The following ATP8A2 variants were observed in gnomAD, a reference collection of about 807,000 sequenced individuals.
ATP8A2 encodes phospholipid-transporting ATPase IB.
ATP8A2 carries 100 observed loss-of-function variants against 165.6 expected under a neutral mutation model. That is an observed-to-expected ratio of 0.60 (90% CI 0.51 to 0.71). The LOEUF is 0.71. ATP8A2 is among the 30% of genes least tolerant of loss of function. ATP8A2 has a pLI of 0.00. For missense variants in ATP8A2, 1,227 were observed against 1,479.5 expected (o/e 0.83, Z 2.80); for synonymous variants, 543 against 548.8 (o/e 0.99, Z 0.15).
At chr13:25,473,143 T>C (rs2035894949) in intron 2 of ATP8A2, among the ~76,000 whole-genome samples, 1 of 152,172 alleles carries the variant, frequency 6.6e-6, no homozygotes, top group African/African-American at 2.4e-5. Flanking sequence ...ACATGAGAAC[T>C]CTGAATTCTG....
chr13:26,014,164 T>G (rs997002507), intron 36 of ATP8A2, among the ~76,000 whole-genome samples: 2 of 152,186 alleles, frequency 1.3e-5, no homozygotes, highest in Non-Finnish European at 2.9e-5. Flanking sequence ...TCCCCTGCTT[T>G]TTCGTGACCT....
At chr13:25,436,777 A>C (rs1400093563) in intron 1 of ATP8A2, among the ~76,000 whole-genome samples, 2 of 141,730 alleles carry the variant, frequency 1.4e-5, no homozygotes, top group African/African-American at 2.7e-5. Flanking sequence ...CTGTTGTTTT[A>C]TGACTTTTTT....
At chr13:25,690,285 C>T (rs1157024353) in intron 24 of ATP8A2, among the ~76,000 whole-genome samples, 2 of 152,090 alleles carry the variant, frequency 1.3e-5, no homozygotes, top group Non-Finnish European at 2.9e-5. Context: ...TGATCATTAA[C>T]AGCATGGCCA....
chr13:25,421,161 G>A (rs947918392), intron 1 of ATP8A2, among the ~76,000 whole-genome samples: 4 of 152,128 alleles, frequency 2.6e-5, no homozygotes, highest in South Asian at 4.1e-4. Context: ...AAATCATTTC[G>A]CATAGAGTAT....
chr13:25,565,206 CAT>C (rs541437484), intron 16 of ATP8A2, among the ~76,000 whole-genome samples: 244 of 152,214 alleles, frequency 1.6e-3, no homozygotes, highest in African/African-American at 5.1e-3. Flanking sequence ...CTGCTATAAA[CAT>C]GTGTGTGCAA....
intron 24 of ATP8A2, among the ~76,000 whole-genome samples, chr13:25,640,103 A>G (rs1342826327): frequency 6.6e-6 from 1 of 152,240 alleles, no homozygotes; most frequent in Non-Finnish European, 1.5e-5. Context: ...CATTTAAAGC[A>G]GTGTGTAGAG....
At chr13:25,636,838 A>T (rs1161508106) in intron 24 of ATP8A2, among the ~76,000 whole-genome samples, 1 of 152,160 alleles carries the variant, frequency 6.6e-6, no homozygotes, top group Non-Finnish European at 1.5e-5. Context: ...CATGCCTGTG[A>T]TCCCAATACT....
intron 4 of ATP8A2, among the ~76,000 whole-genome samples, chr13:25,531,219 GATATATGTTATATATGAT>G (rs67619250): frequency 8.6e-6 from 1 of 116,874 alleles, no homozygotes; most frequent in Non-Finnish European, 1.7e-5. Context: ...TGTTATATAT[GATATATGTTATATATGAT>G]ATATATGTTA....
chr13:25,451,388 T>C (rs1179520747), intron 1 of ATP8A2, among the ~76,000 whole-genome samples: 2 of 152,132 alleles, frequency 1.3e-5, no homozygotes, highest in African/African-American at 4.8e-5. Context: ...ACTCATTTTG[T>C]TTGTTTCTCT....
At chr13:25,561,158 T>G in intron 15 of ATP8A2, among the ~76,000 whole-genome samples, 1 of 152,276 alleles carries the variant, frequency 6.6e-6, no homozygotes. Context: ...GTGAATTTTT[T>G]CCATTATTTT....
At chr13:25,392,063 G>A (rs1566099555) in intron 1 of ATP8A2, among the ~76,000 whole-genome samples, 1 of 152,182 alleles carries the variant, frequency 6.6e-6, no homozygotes, top group Non-Finnish European at 1.5e-5. Context: ...TGATAGTGCA[G>A]TGAGCTCAGC....
chr13:25,378,086 G>C (rs1325003685), intron 1 of ATP8A2, among the ~76,000 whole-genome samples: 3 of 151,926 alleles, frequency 2.0e-5, no homozygotes, highest in African/African-American at 7.3e-5. Flanking sequence ...GTGCATTCCA[G>C]CCTGGACAAC....
chr13:25,708,548 C>G (rs2043098192), intron 25 of ATP8A2, among the ~76,000 whole-genome samples: 1 of 152,154 alleles, frequency 6.6e-6, no homozygotes, highest in Non-Finnish European at 1.5e-5. Context: ...TCAATGCTTT[C>G]CCTTGCCTGA....
At chr13:25,868,226 G>A (rs1593475527) in intron 33 of ATP8A2, 2 of 405,620 alleles carry the variant, frequency 4.9e-6, no homozygotes, top group South Asian at 3.5e-5. Flanking sequence ...TTGGTTTAAG[G>A]AGCTGGTAAA....
chr13:25,990,553 G>C (rs1396271584), intron 35 of ATP8A2, among the ~76,000 whole-genome samples: 1 of 152,214 alleles, frequency 6.6e-6, no homozygotes. Context: ...GAACTTGCAA[G>C]GATGGCCATG....
intron 33 of ATP8A2, chr13:25,873,873 C>G: frequency 6.4e-6 from 1 of 156,256 alleles, no homozygotes; most frequent in South Asian, 1.8e-4. Context: ...ATGATCCACC[C>G]CCATCAGCCT....
At chr13:25,760,780 G>A (rs1035654133) in intron 25 of ATP8A2, among the ~76,000 whole-genome samples, 6 of 152,116 alleles carry the variant, frequency 3.9e-5, no homozygotes, top group Non-Finnish European at 7.4e-5. Context: ...CTCTTTATTT[G>A]TGGAGTGTGA....
chr13:25,607,307 C>G (rs1240755019), intron 24 of ATP8A2, among the ~76,000 whole-genome samples: 2 of 152,138 alleles, frequency 1.3e-5, no homozygotes. Context: ...CAGCTCACCA[C>G]TTGTTTTTAT....
intron 28 of ATP8A2, among the ~76,000 whole-genome samples, chr13:25,832,890 A>G (rs1207335428): frequency 2.0e-5 from 3 of 152,236 alleles, no homozygotes; most frequent in Non-Finnish European, 4.4e-5. Flanking sequence ...TTCTGTACGT[A>G]TACACATATG....
Sources: allele counts gnomAD v4.1 joint callset (sites outside exome capture counted in the v4.1 genomes callset), GRCh38; gene constraint gnomAD v4.1.1; transcripts MANE v1.5; gene names NCBI Gene and HGNC (gene_info 2026-07-23, HGNC 2026-07-21).